The following JAM3 variants were observed in gnomAD, a reference collection of about 807,000 sequenced individuals.
JAM3 encodes junctional adhesion molecule C.
A neutral mutation model predicts 39.4 loss-of-function variants in JAM3; 31 were observed. That is an observed-to-expected ratio of 0.79 (90% CI 0.59 to 1.06). The LOEUF is 1.06. JAM3 is among the 50% of genes least tolerant of loss of function. JAM3 has a pLI of 0.00. For synonymous variants in JAM3, 182 were observed against 148.7 expected (o/e 1.22, Z -1.63); for missense variants, 455 against 391.4 (o/e 1.16, Z -1.37).
chr11:134,109,453 TTTG>T (rs1165325737), intron 1 of JAM3, among the ~76,000 whole-genome samples: 5 of 152,262 alleles, frequency 3.3e-5, no homozygotes, highest in African/African-American at 4.8e-5. Flanking sequence ...TGCCTGGTTT[TTTG>T]TTATTTGCTT....
At chr11:134,109,724 G>A (rs1255225640) in intron 1 of JAM3, among the ~76,000 whole-genome samples, 3 of 152,184 alleles carry the variant, frequency 2.0e-5, no homozygotes, top group African/African-American at 7.2e-5. Flanking sequence ...GGGAGAATGT[G>A]GTAATCCACA....
At chr11:134,141,355 T>C (rs1052100731) in intron 3 of JAM3, among the ~76,000 whole-genome samples, 13 of 151,798 alleles carry the variant, frequency 8.6e-5, no homozygotes, top group African/African-American at 3.1e-4. Context: ...CAGGAGAGAA[T>C]GCTGTGTATG....
chr11:134,082,287 T>C (rs1191398435), intron 1 of JAM3, among the ~76,000 whole-genome samples: 1 of 152,230 alleles, frequency 6.6e-6, no homozygotes, highest in Admixed American at 6.5e-5. Context: ...CTTTGGACTG[T>C]GGACTTTTGA....
intron 1 of JAM3, among the ~76,000 whole-genome samples, chr11:134,106,432 C>T (rs1249704842): frequency 6.6e-6 from 1 of 152,134 alleles, no homozygotes; most frequent in Non-Finnish European, 1.5e-5. Flanking sequence ...AGGACATAGG[C>T]ATGGGCAAGG....
Position 134,151,948 on chromosome 11 carries a change from G to A in JAM3, c.*2767G>A, listed in dbSNP as rs974709975. 11 of 152,068 alleles carry A rather than the reference G, an allele frequency of 7.2e-5. No individual in the cohort carries two copies. Among genetic ancestry groups the A allele is most frequent in the Non-Finnish European group, 1.2e-4 (8 of 68,018 alleles). 9.4% of individuals were successfully genotyped at this position (152,068 alleles called of 1,614,324 possible). A position where few individuals can be genotyped will look rare whatever the true frequency, so the allele number is the denominator to read the frequency against. On this transcript the variant is annotated 3_prime_UTR_variant, in exon 9 of 9. Transcript: ENST00000299106. ...CCGCCACCGAGCCCACCTGTGTTGCGGTTCCCACTTGGGATGGCAGTGGGC... is the reference window on the plus strand; with the variant it reads ...CCGCCACCGAGCCCACCTGTGTTGCAGTTCCCACTTGGGATGGCAGTGGGC...
At chr11:134,130,595 CGAA>C (rs1328042254) in intron 1 of JAM3, among the ~76,000 whole-genome samples, 1 of 152,090 alleles carries the variant, frequency 6.6e-6, no homozygotes, top group Non-Finnish European at 1.5e-5. Flanking sequence ...ATCAGTCAAA[CGAA>C]GATTATAGCA....
At chr11:134,079,238 A>G (rs1467936404) in intron 1 of JAM3, among the ~76,000 whole-genome samples, 2 of 152,160 alleles carry the variant, frequency 1.3e-5, no homozygotes, top group Non-Finnish European at 2.9e-5. Flanking sequence ...TTTGTCTGAA[A>G]AGCAAACATC....
At chr11:134,125,507 A>T (rs1325759581) in intron 1 of JAM3, among the ~76,000 whole-genome samples, 1 of 152,220 alleles carries the variant, frequency 6.6e-6, no homozygotes, top group Non-Finnish European at 1.5e-5. Context: ...AAGATTATAC[A>T]ATAAAGCAAG....
chr11:134,117,364 C>CA (rs1403159760), intron 1 of JAM3, among the ~76,000 whole-genome samples: 1 of 145,032 alleles, frequency 6.9e-6, no homozygotes, highest in African/African-American at 2.7e-5. Flanking sequence ...GCGACAAGAG[C>CA]AAAAAACTCC....
At chr11:134,121,251 CAG>C (rs1212646385) in intron 1 of JAM3, among the ~76,000 whole-genome samples, 68 of 152,320 alleles carry the variant, frequency 4.5e-4, no homozygotes, top group Non-Finnish European at 2.4e-4. Flanking sequence ...CAGACTCTGG[CAG>C]AGTTTCCGGA....
At chr11:134,100,513 T>C (rs1393344032) in intron 1 of JAM3, among the ~76,000 whole-genome samples, 3 of 152,204 alleles carry the variant, frequency 2.0e-5, no homozygotes, top group African/African-American at 7.2e-5. Context: ...AAGACCACTT[T>C]TGAGTTACCA....
intron 1 of JAM3, among the ~76,000 whole-genome samples, chr11:134,121,203 G>A (rs182539838): frequency 3.3e-5 from 5 of 152,306 alleles, no homozygotes; most frequent in Admixed American, 2.0e-4. Context: ...TTAAACAAGC[G>A]AAGTGATTGT....
chr11:134,127,727 AAAAT>A lies in JAM3; in HGVS notation c.77-12118_77-12115del, dbSNP rs1402574389. 5.9e-5 allele frequency among the ~76,000 whole-genome samples: 9 copies of A among 152,234 alleles called. No homozygotes were observed. In the East Asian group the frequency reaches 1.3e-3, roughly 23 times the overall value. On this transcript the variant is annotated intron_variant, in intron 1 of 8. Coordinates refer to ENST00000299106, the MANE Select transcript of JAM3 (RefSeq NM_032801.5). ...AACAAAATAAAACTTGATGCCTTTG[AAAAT>A]AAATACAGAATTAGTTTAATATATT...
intron 1 of JAM3, among the ~76,000 whole-genome samples, chr11:134,110,484 G>A (rs1035385425): frequency 1.3e-5 from 2 of 152,210 alleles, no homozygotes; most frequent in Non-Finnish European, 2.9e-5. Context: ...AATTATTGAT[G>A]CATGCTGCCA....
At chr11:134,112,162 C>T (rs531034908) in intron 1 of JAM3, among the ~76,000 whole-genome samples, 1 of 152,188 alleles carries the variant, frequency 6.6e-6, no homozygotes, top group Non-Finnish European at 1.5e-5. Flanking sequence ...CCTTGGCTCA[C>T]TGCAACCTCT....
intron 4 of JAM3, among the ~76,000 whole-genome samples, 154 bp downstream of exon 4, chr11:134,144,547 G>T (rs1291018861): frequency 6.6e-6 from 1 of 152,152 alleles, no homozygotes; most frequent in East Asian, 1.9e-4. Flanking sequence ...CTGAGTTGGG[G>T]TAGAAGGTGA....
chr11:134,126,529 T>C (rs1942651835), intron 1 of JAM3: 1 of 152,364 alleles, frequency 6.6e-6, no homozygotes, highest in Admixed American at 6.5e-5. Context: ...CTACATGCTT[T>C]AAAGCAGGCT....
chr11:134,105,944 A>G (rs533903448), intron 1 of JAM3, among the ~76,000 whole-genome samples: 4 of 152,366 alleles, frequency 2.6e-5, no homozygotes, highest in African/African-American at 7.2e-5. Flanking sequence ...TATAGATTCA[A>G]TGCCATCCCC....
At chr11:134,141,616 T>C (rs1327084402) in intron 3 of JAM3, among the ~76,000 whole-genome samples, 2 of 151,826 alleles carry the variant, frequency 1.3e-5, no homozygotes, top group Non-Finnish European at 2.9e-5. Flanking sequence ...AGAGAAGAGA[T>C]TGGAGGCGGC....
Sources: allele counts gnomAD v4.1 joint callset (sites outside exome capture counted in the v4.1 genomes callset), GRCh38; gene constraint gnomAD v4.1.1; transcripts MANE v1.5; gene names NCBI Gene and HGNC (gene_info 2026-07-23, HGNC 2026-07-21).